Variants in WDR25 observed in about 807,000 individuals in gnomAD.
The protein encoded by WDR25 is WD repeat-containing protein 25.
In WDR25, 35 loss-of-function variants were observed where a neutral mutation model predicts 47.7. That is an observed-to-expected ratio of 0.73 (90% CI 0.56 to 0.97). The LOEUF (loss-of-function observed/expected upper bound fraction) is 0.97, where lower values mean the gene tolerates loss of function less well. WDR25 is among the 50% of genes least tolerant of loss of function. The pLI is 0.00. For missense variants in WDR25, 634 were observed against 704.7 expected (o/e 0.90, Z 1.14); for synonymous variants, 248 against 278.9 (o/e 0.89, Z 1.10).
At chr14:100,388,571 T>C (rs1303403708) in intron 2 of WDR25, among the ~76,000 whole-genome samples, 1 of 152,252 alleles carries the variant, frequency 6.6e-6, no homozygotes, top group East Asian at 1.9e-4. Flanking sequence ...CATGAGATTC[T>C]GAGCTGGAAT....
At position 100,412,706 on chromosome 14, in the gene WDR25, T is replaced by C. The variant is rs570576708; in HGVS notation, c.822+30960T>C. 3.3e-5 allele frequency among the ~76,000 whole-genome samples: 5 copies of C among 152,296 alleles called. No individual in the cohort carries two copies. In the South Asian group the frequency reaches 8.3e-4, roughly 25 times the overall value. ...GTGGTTTGCCTTATATTTGGGATAT[T>C]AGCAAAGGGGAGAGTGTTTTGAGAT... On this transcript the variant is annotated intron_variant, in intron 2 of 6. Coordinates refer to ENST00000402312, the MANE Select transcript of WDR25 (RefSeq NM_001161476.3).
intron 2 of WDR25, among the ~76,000 whole-genome samples, chr14:100,408,211 G>C (rs940154090): frequency 2.0e-5 from 3 of 152,098 alleles, no homozygotes; most frequent in Admixed American, 2.0e-4. Context: ...ACGTTCCTGT[G>C]ATAATCTAGG....
chr14:100,377,980 T>TC (rs1251815038), intron 1 of WDR25, among the ~76,000 whole-genome samples: 1 of 151,968 alleles, frequency 6.6e-6, no homozygotes, highest in African/African-American at 2.4e-5. Context: ...TTCTTGGAAG[T>TC]CGGTCTATTG....
In WDR25 at chr14:100,485,670, G is replaced by A. The variant is rs533416230; in HGVS notation, c.1101+1546G>A. On this transcript the variant is annotated intron_variant, in intron 4 of 6. Transcript: ENST00000402312. ...TGCCTTGGTCCTAGACAGGTGCAGC[G>A]TCCAAGCAGATATGTCCTGAGTAGA... 7.2e-5 allele frequency among the ~76,000 whole-genome samples: 11 copies of A among 152,306 alleles called. No homozygotes were observed. The South Asian group carries it at 2.3e-3, about 32-fold the overall frequency.
At chr14:100,483,967 A>G (rs750962302) in intron 3 of WDR25, 27 bp from the exon 4 acceptor site, 10 of 1,596,600 alleles carry the variant, frequency 6.3e-6, no homozygotes, top group Non-Finnish European at 8.5e-6. Context: ...GTACTTTCTA[A>G]CCCTCTCTTC....
chr14:100,503,229 C>A (rs556998142), intron 4 of WDR25, among the ~76,000 whole-genome samples: 2 of 152,064 alleles, frequency 1.3e-5, no homozygotes, highest in Non-Finnish European at 2.9e-5. Flanking sequence ...TCCCCAGTCA[C>A]GCCCAGCATG....
At chr14:100,405,217 A>G (rs893855325) in intron 2 of WDR25, among the ~76,000 whole-genome samples, 2 of 147,450 alleles carry the variant, frequency 1.4e-5, no homozygotes, top group African/African-American at 2.6e-5. Flanking sequence ...GCTGGAGTGC[A>G]ATGGTATGAT....
chr14:100,462,591 C>T (rs1161433418), intron 2 of WDR25, among the ~76,000 whole-genome samples: 11 of 152,188 alleles, frequency 7.2e-5, no homozygotes, highest in Admixed American at 7.2e-4. Context: ...TTTTTCACTT[C>T]AGGGGGAGCT....
chr14:100,468,427 G>A lies in WDR25; in HGVS notation c.970+259G>A, dbSNP rs1899717445. On this transcript the variant is annotated intron_variant, in intron 3 of 6. Transcript: ENST00000402312. The surrounding 1 kb of genome is among the most constrained non-coding windows in gnomAD (Gnocchi z 4.5). ...GTCTCAGCCTCAAGCCATGGGGCTG[G>A]ATAAAGAGGTGGCTTTTTAATCTAC... is the stretch of plus-strand genomic sequence containing the variant. Among the ~76,000 whole-genome samples the A allele has an allele frequency of 6.6e-6, 1 of 152,214 alleles. No individual in the cohort carries two copies. The highest frequency in any genetic ancestry group is 2.4e-5 in the African/African-American group (1 of 41,456).
chr14:100,478,283 T>A (rs1448248621), intron 3 of WDR25, among the ~76,000 whole-genome samples: 1 of 152,240 alleles, frequency 6.6e-6, no homozygotes, highest in Non-Finnish European at 1.5e-5. Flanking sequence ...TTAGCTCTCA[T>A]GACGACCTTA....
At chr14:100,461,360 G>A (rs542457241) in intron 2 of WDR25, among the ~76,000 whole-genome samples, 2 of 152,234 alleles carry the variant, frequency 1.3e-5, no homozygotes, top group African/African-American at 4.8e-5. Flanking sequence ...TCAACAATCT[G>A]AAAATAAAAG....
rs188129441 is a variant in WDR25, at chr14:100,428,969, A to G, written c.823-39052A>G. 9.5e-3 allele frequency among the ~76,000 whole-genome samples: 1,444 copies of G among 152,034 alleles called. 22 individuals carry two copies. Among genetic ancestry groups the G allele is most frequent in the African/African-American group, 0.033 (1,375 of 41,492 alleles). ...ATGGTTTCCCGAGCGTGTCAGCTTC[A>G]CTTCACATAAGTCATTTCAGATCCT... On this transcript the variant is annotated intron_variant, in intron 2 of 6. Transcript: ENST00000402312. The surrounding 1 kb of genome is among the most constrained non-coding windows in gnomAD (Gnocchi z 4.3).
intron 2 of WDR25, among the ~76,000 whole-genome samples, chr14:100,401,809 G>A (rs998651417): frequency 3.3e-5 from 5 of 152,202 alleles, no homozygotes; most frequent in African/African-American, 9.6e-5. Flanking sequence ...GGCTCTGCAC[G>A]TGTCTTAGTT....
chr14:100,445,980 C>T (rs1898819464), intron 2 of WDR25, among the ~76,000 whole-genome samples: 1 of 152,162 alleles, frequency 6.6e-6, no homozygotes, highest in South Asian at 2.1e-4. Context: ...TGAGGCTGGC[C>T]ATCCTGGTAG....
intron 3 of WDR25, among the ~76,000 whole-genome samples, chr14:100,471,431 G>T (rs867473595): frequency 2.6e-5 from 4 of 152,150 alleles, no homozygotes; most frequent in South Asian, 4.1e-4. Context: ...CCAGCTTTTG[G>T]TAAGTGCTCT....
At position 100,409,997 on chromosome 14, in the gene WDR25, C is replaced by T. The variant is rs114823777; in HGVS notation, c.822+28251C>T. On this transcript the variant is annotated intron_variant, in intron 2 of 6. Coordinates refer to ENST00000402312, the MANE Select transcript of WDR25 (RefSeq NM_001161476.3). ...TAATTACTCACCCCCTTCCATCTCT[C>T]TATGGATTTCTCTTGGTTTTAATTG... Among the ~76,000 whole-genome samples the T allele has an allele frequency of 2.0e-3, 302 of 152,306 alleles. 1 individual carries two copies. Among genetic ancestry groups the T allele is most frequent in the African/African-American group, 6.9e-3 (287 of 41,560 alleles).
intron 2 of WDR25, among the ~76,000 whole-genome samples, chr14:100,442,576 T>C (rs1898703992): frequency 6.6e-6 from 1 of 152,220 alleles, no homozygotes; most frequent in Non-Finnish European, 1.5e-5. Context: ...TATCTCGACC[T>C]GTTGCTCAGG....
chr14:100,495,836 G>T (rs530999349), intron 4 of WDR25, among the ~76,000 whole-genome samples: 1 of 152,260 alleles, frequency 6.6e-6, no homozygotes, highest in East Asian at 1.9e-4. Flanking sequence ...ATATTCCATT[G>T]TATGGATATA....
At chr14:100,528,457 G>C (rs1376825562) in intron 5 of WDR25, among the ~76,000 whole-genome samples, 5 of 133,768 alleles carry the variant, frequency 3.7e-5, no homozygotes, top group Non-Finnish European at 7.8e-5. Context: ...TTTTTGTAGA[G>C]ATGGGGTTTT....
Sources: gnomAD v4.1 joint callset for allele counts (sites outside exome capture counted in the v4.1 genomes callset) on GRCh38, gnomAD v4.1.1 for gene constraint, Gnocchi (gnomAD v3.1) non-coding constraint, MANE v1.5 for transcripts, NCBI Gene and HGNC (gene_info 2026-07-23, HGNC 2026-07-21) for gene names.